The following MROH2B variants were observed in gnomAD, a reference collection of about 807,000 sequenced individuals.
MROH2B encodes the protein maestro heat-like repeat-containing protein family member 2B.
A neutral mutation model predicts 208.6 loss-of-function variants in MROH2B; 177 were observed. The observed-to-expected ratio is 0.85, with a 90% confidence interval of 0.75 to 0.96. MROH2B has a LOEUF of 0.96. Ranked by LOEUF, MROH2B falls within the 40% of genes least tolerant of loss-of-function variation. The pLI, the probability that MROH2B is intolerant of heterozygous loss-of-function variation, is 0.00. For missense variants in MROH2B, 2,002 were observed against 1,878.7 expected, an observed-to-expected ratio of 1.07 and a Z score of -1.21; for synonymous variants, 728 against 659.0, an observed-to-expected ratio of 1.10 and a Z score of -1.60.
intron 30 of MROH2B, among the ~76,000 whole-genome samples, chr5:41,011,300 A>G (rs887709942): frequency 6.6e-6 from 1 of 152,182 alleles, no homozygotes; most frequent in Non-Finnish European, 1.5e-5. Context: ...AATAGCCCCC[A>G]TTTATGATTA....
chr5:41,052,573 A>T lies in MROH2B; in HGVS notation c.1122T>A (p.Val374=), dbSNP rs748829936. The change falls in exon 12 of 42, where the codon GTT becomes GTA. Residue 374 remains valine (V), a synonymous_variant. Coordinates refer to ENST00000399564, the MANE Select transcript of MROH2B (RefSeq NM_173489.5). ...CACACATGGTTTGGATGAGGAGAAG[A>T]ACAGAATTTCTTACCTAGGGTAAGA... ...GDLSTKVRNS[V]LLLIQTMCEK... 15 of 1,610,176 alleles carry T rather than the reference A, an allele frequency of 9.3e-6. No individual in the cohort carries two copies. The highest frequency in any genetic ancestry group is 1.3e-5 in the Non-Finnish European group (15 of 1,177,832).
At chr5:41,038,638 C>T in intron 21 of MROH2B, 98 bp downstream of exon 21, 2 of 1,226,596 alleles carry the variant, frequency 1.6e-6, no homozygotes, top group Non-Finnish European at 2.2e-6. Flanking sequence ...AAAAACATAC[C>T]CAAGTCTGGG....
At chr5:41,029,652 G>T (rs1742498169) in intron 24 of MROH2B, among the ~76,000 whole-genome samples, 1 of 152,116 alleles carries the variant, frequency 6.6e-6, no homozygotes, top group Non-Finnish European at 1.5e-5. Context: ...CTAAATGTAA[G>T]AGTTAAAACT....
rs377236982 is a variant in MROH2B, at chr5:41,055,752, G to C, written c.1023C>G (p.Val341=). 1.1e-4 allele frequency: 175 copies of C among 1,613,292 alleles called. No individual in the cohort carries two copies. The African/African-American group carries it at 2.2e-3, about 20-fold the overall frequency. Residue 341 remains valine, a synonymous_variant, in exon 10 of 42, where the codon GTC becomes GTG. Transcript: ENST00000399564. The part of the protein sequence containing the change: ...VGILTLLRLA[V]NADEPRLRDH... ...AACCCTCTTGCTTACCATCAGCATTGACAGCCAATCTTAACAAAGTCAAGA... is the reference window on the plus strand; with the variant it reads ...AACCCTCTTGCTTACCATCAGCATTCACAGCCAATCTTAACAAAGTCAAGA...
At chr5:41,047,959 T>C (rs1743173062) in intron 16 of MROH2B, among the ~76,000 whole-genome samples, 195 bp from the exon 17 acceptor site, 1 of 152,204 alleles carries the variant, frequency 6.6e-6, no homozygotes, top group Non-Finnish European at 1.5e-5. Context: ...CAATCTATCA[T>C]AAAAATCTAG....
chr5:41,054,730 A>G (rs751858250), intron 11 of MROH2B, 37 bp downstream of exon 11: 2 of 1,466,198 alleles, frequency 1.4e-6, no homozygotes, highest in South Asian at 2.5e-5. Flanking sequence ...TCATTCTTAA[A>G]GCTACCATCG....
Position 41,015,377 on chromosome 5 carries a change from T to C in MROH2B, c.2982+4A>G. 1 of 1,612,558 alleles carries C rather than the reference T, an allele frequency of 6.2e-7. No individual in the cohort carries two copies. The highest frequency in any genetic ancestry group is 8.5e-7 in the Non-Finnish European group (1 of 1,178,988). On this transcript the variant is annotated splice_donor_region_variant and intron_variant, in intron 29 of 41. Coordinates refer to ENST00000399564, the MANE Select transcript of MROH2B (RefSeq NM_173489.5). ...ACATCCCCTGGCCACTCCATATTTA[T>C]TACCTTAGCTATTTTAGAAGAAATC...
chr5:41,048,557 G>T, intron 15 of MROH2B, 92 bp from the exon 16 acceptor site: 2 of 1,323,334 alleles, frequency 1.5e-6, no homozygotes, highest in South Asian at 1.7e-5. Context: ...CAATTCCTTT[G>T]ATTTCTGCAT....
chr5:41,030,517 G>GAATC (rs955128101), intron 24 of MROH2B, among the ~76,000 whole-genome samples: 2 of 151,914 alleles, frequency 1.3e-5, no homozygotes, highest in African/African-American at 4.8e-5. Context: ...AGGAAGGGAA[G>GAATC]AATCAATGTT....
intron 24 of MROH2B, among the ~76,000 whole-genome samples, chr5:41,025,158 C>T (rs187592760): frequency 2.0e-3 from 300 of 151,792 alleles, no homozygotes; most frequent in Non-Finnish European, 3.3e-3. Flanking sequence ...TTCAAAAGCT[C>T]GCAGAAGGCA....
At position 41,015,108 on chromosome 5, in the gene MROH2B, C is replaced by A. The variant is rs538669036; in HGVS notation, c.2982+273G>T. Among the ~76,000 whole-genome samples, 4 of 152,330 alleles carry A rather than the reference C, an allele frequency of 2.6e-5. No individual in the cohort carries two copies. In the East Asian group the frequency reaches 7.7e-4, roughly 29 times the overall value. On this transcript the variant is annotated intron_variant, in intron 29 of 41. Coordinates refer to ENST00000399564, the MANE Select transcript of MROH2B (RefSeq NM_173489.5). ...TTCAATCAGTGCACACAGAGTGCAT[C>A]TGATTAACTCCAAAGCTCTTGTTCC...
chr5:41,056,236 G>A (rs190025647), intron 9 of MROH2B, among the ~76,000 whole-genome samples: 4 of 152,278 alleles, frequency 2.6e-5, no homozygotes, highest in African/African-American at 4.8e-5. Flanking sequence ...GGAAGAGATG[G>A]CAGTGATGCT....
Position 41,033,842 on chromosome 5 carries a change from TTCA to T in MROH2B, c.2234_2236del (p.Met745del), listed in dbSNP as rs775865740. 1 of 1,519,950 alleles carries T rather than the reference TTCA, an allele frequency of 6.6e-7. No homozygotes were observed. Among genetic ancestry groups the T allele is most frequent in the South Asian group, 1.2e-5 (1 of 83,100 alleles). 94.2% of individuals were successfully genotyped at this position (1,519,950 alleles called of 1,614,324 possible). A position where few individuals can be genotyped will look rare whatever the true frequency, so the allele number is the denominator to read the frequency against. On this transcript the variant is annotated inframe_deletion, in exon 22 of 42. Coordinates refer to ENST00000399564, the MANE Select transcript of MROH2B (RefSeq NM_173489.5). ...CTATCTATCTATCTCTCCTACCTTGTTCATCACAGACATGCCCAGAACCTAAAA... is the reference window on the plus strand; with the variant it reads ...CTATCTATCTATCTCTCCTACCTTGTTCACAGACATGCCCAGAACCTAAAA...
At position 41,017,944 on chromosome 5, in the gene MROH2B, T is replaced by G. The variant is rs1370769297; in HGVS notation, c.2790A>C (p.Ser930=). 1 of 1,578,534 alleles carries G rather than the reference T, an allele frequency of 6.3e-7. No homozygotes were observed. Among genetic ancestry groups the G allele is most frequent in the South Asian group, 1.2e-5 (1 of 86,128 alleles). ...AGTGAGGAGCCAGAAGTCCAAGCAG[T>G]GAACCAATTTTAAAGTTCTCTGGTG... ...IEAPENFKIG[S]LLGLLAPHSC... The change falls in exon 28 of 42, where the codon TCA becomes TCC. Residue 930 remains serine, a synonymous_variant. Transcript: ENST00000399564.
chr5:41,009,346 C>T lies in MROH2B; in HGVS notation c.3354G>A (p.Leu1118=), dbSNP rs749731943. 2.5e-6 allele frequency: 4 copies of T among 1,613,924 alleles called. No homozygotes were observed. The highest frequency in any genetic ancestry group is 2.5e-6 in the Non-Finnish European group (3 of 1,179,818). ...TCTCCAGTTTGTCTATTAAGGCTTG[C>T]AAGAGTTTCCCACTGGAGGCTGGCT... is the stretch of plus-strand genomic sequence containing the variant. ...AEKPASSGKL[L]QALIDKLETE... The change falls in exon 32 of 42, where the codon TTG becomes TTA. Residue 1118 remains leucine, a synonymous_variant. Transcript: ENST00000399564.
intron 37 of MROH2B, among the ~76,000 whole-genome samples, chr5:41,003,539 G>A (rs1198238352): frequency 6.6e-6 from 1 of 152,132 alleles, no homozygotes; most frequent in African/African-American, 2.4e-5. Flanking sequence ...TACTTCTTGA[G>A]CCTCATTTAG....
intron 28 of MROH2B, among the ~76,000 whole-genome samples, chr5:41,016,408 C>A (rs770421850): frequency 6.0e-5 from 9 of 149,120 alleles, no homozygotes; most frequent in Non-Finnish European, 1.2e-4. Flanking sequence ...ATGAAGTGGG[C>A]TAAAGGAAAA....
At position 41,038,835 on chromosome 5, in the gene MROH2B, A is replaced by G. The variant is rs180970824; in HGVS notation, c.2115T>C (p.Tyr705=). ...TGGGAGCATGGAGGGCCACTGCTCC[A>G]TAGATGACCATGACATCTGTCTTGG... ...SLTKTDVMVI[Y]GAVALHAPKK... The change falls in exon 21 of 42, where the codon TAT becomes TAC. Residue 705 remains tyrosine, a synonymous_variant. Coordinates refer to ENST00000399564, the MANE Select transcript of MROH2B (RefSeq NM_173489.5). 10 of 1,613,720 alleles carry G rather than the reference A, an allele frequency of 6.2e-6. No homozygotes were observed. The East Asian group carries it at 2.2e-4, about 36-fold the overall frequency.
chr5:41,061,852 A>G (rs1378994359), intron 5 of MROH2B, 128 bp from the exon 6 acceptor site: 20 of 995,742 alleles, frequency 2.0e-5, no homozygotes, highest in Non-Finnish European at 2.8e-5. Context: ...TTACGACTGC[A>G]TCAAATACAC....
Sources: gnomAD v4.1 joint callset for allele counts (sites outside exome capture counted in the v4.1 genomes callset) on GRCh38, gnomAD v4.1.1 for gene constraint, MANE v1.5 for transcripts, NCBI Gene and HGNC (gene_info 2026-07-23, HGNC 2026-07-21) for gene names.